NXPE3: variants seen among roughly 807,000 people sequenced by gnomAD.
NXPE3 encodes the protein NXPE family member 3.
Under a neutral mutation model 46.1 loss-of-function variants are expected in NXPE3, and 26 were observed. The observed-to-expected ratio is 0.56, with a 90% CI of 0.41 to 0.78. The LOEUF (loss-of-function observed/expected upper bound fraction) is 0.78, where lower values mean the gene tolerates loss of function less well. Ranked by LOEUF, NXPE3 falls within the 30% of genes least tolerant of loss-of-function variation. The probability of loss-of-function intolerance (pLI) is 0.00; values close to 1 mark genes in which losing one functional copy is unlikely to be tolerated. For missense variants in NXPE3, 620 were observed against 686.0 expected (o/e 0.90, Z 1.07); for synonymous variants, 272 against 257.9 (o/e 1.05, Z -0.52).
chr3:101,793,627 CTTTTTTTTT>C, intron 4 of NXPE3, among the ~76,000 whole-genome samples: 1 of 19,392 alleles, frequency 5.2e-5, no homozygotes, highest in South Asian at 3.4e-3. Context: ...TTGACAAGGT[CTTTTTTTTT>C]TTTTTTTTTT....
chr3:101,804,053 C>T (rs1346960040), intron 5 of NXPE3, among the ~76,000 whole-genome samples: 3 of 152,178 alleles, frequency 2.0e-5, no homozygotes, highest in African/African-American at 7.2e-5. Flanking sequence ...TATCCATTGC[C>T]TAAAGCATTT....
Position 101,828,151 on chromosome 3 carries a change from C to G in NXPE3, c.*6197C>G, listed in dbSNP as rs1942582269. The stretch of plus-strand genomic sequence containing the variant: ...GCTGGAAACAATTGATTTGCTCTTA[C>G]GTATTTGTGTGACTTGACTCTTCAA... On this transcript the variant is annotated 3_prime_UTR_variant, in exon 8 of 8. Coordinates refer to ENST00000273347, the MANE Select transcript of NXPE3 (RefSeq NM_145037.4). 6.6e-6 allele frequency: 1 copy of G among 152,124 alleles called. No individual in the cohort carries two copies. The highest frequency in any genetic ancestry group is 2.4e-5 in the African/African-American group (1 of 41,412). The allele number at this position is 152,124 out of a possible 1,614,324, so 9.4% of individuals were successfully genotyped here.
chr3:101,818,715 T>TTTTATATA (rs1378317083), intron 7 of NXPE3, among the ~76,000 whole-genome samples: 4 of 38,032 alleles, frequency 1.1e-4, no homozygotes, highest in African/African-American at 4.3e-4. Flanking sequence ...ATATGACAAT[T>TTTTATATA]TATATATATA....
intron 6 of NXPE3, among the ~76,000 whole-genome samples, chr3:101,814,728 G>A (rs1941889563): frequency 6.6e-6 from 1 of 152,040 alleles, no homozygotes; most frequent in South Asian, 2.1e-4. Context: ...GATATAACCT[G>A]GTGGTTTCTT....
At chr3:101,797,410 CT>C (rs535694650) in intron 4 of NXPE3, among the ~76,000 whole-genome samples, 9,572 of 133,184 alleles carry the variant, frequency 0.072, 308 homozygotes, top group Middle Eastern at 0.14. Context: ...TTAAGCTATT[CT>C]TTTTTTTTTT....
intron 5 of NXPE3, among the ~76,000 whole-genome samples, 189 bp downstream of exon 5, chr3:101,802,178 C>A (rs1001055963): frequency 2.0e-5 from 3 of 151,920 alleles, no homozygotes; most frequent in Non-Finnish European, 2.9e-5. Context: ...AAAAATGAAG[C>A]TTAATGCTTA....
intron 6 of NXPE3, among the ~76,000 whole-genome samples, chr3:101,812,690 T>C (rs1277925971): frequency 1.3e-5 from 2 of 151,536 alleles, no homozygotes; most frequent in African/African-American, 4.9e-5. Context: ...CAGGCGCCTG[T>C]AGTCCCAGCT....
chr3:101,808,852 T>TATATAC (rs1576766857), intron 6 of NXPE3, among the ~76,000 whole-genome samples: 1 of 131,928 alleles, frequency 7.6e-6, no homozygotes, highest in East Asian at 2.2e-4. Flanking sequence ...TATATATATA[T>TATATAC]ATATGAGACA....
chr3:101,809,198 A>G (rs2107322115), intron 6 of NXPE3, among the ~76,000 whole-genome samples: 1 of 152,230 alleles, frequency 6.6e-6, no homozygotes, highest in African/African-American at 2.4e-5. Context: ...GCCTTTTGAT[A>G]TATTTTTAGA....
chr3:101,815,850 A>C (rs1189661405), intron 6 of NXPE3, among the ~76,000 whole-genome samples: 1 of 151,936 alleles, frequency 6.6e-6, no homozygotes, highest in African/African-American at 2.4e-5. Context: ...ACAAAAATTA[A>C]CTGGGTGTGG....
chr3:101,779,936 T>G (rs1446491298), intron 1 of NXPE3: 2 of 152,322 alleles, frequency 1.3e-5, no homozygotes, highest in Non-Finnish European at 2.9e-5. Context: ...CTTTACAAGG[T>G]GTGATATGGA....
chr3:101,796,635 T>C (rs1003855708), intron 4 of NXPE3, among the ~76,000 whole-genome samples: 1 of 152,194 alleles, frequency 6.6e-6, no homozygotes, highest in Non-Finnish European at 1.5e-5. Flanking sequence ...AGTAAGTTAA[T>C]AAAGGGAATT....
chr3:101,783,671 C>T (rs1353113521), intron 3 of NXPE3, among the ~76,000 whole-genome samples: 17 of 152,202 alleles, frequency 1.1e-4, no homozygotes, highest in Admixed American at 1.0e-3. Flanking sequence ...TGGCTAGTGT[C>T]CACACAATGC....
At position 101,822,167 on chromosome 3, in the gene NXPE3, G is replaced by A. The variant is rs1942289036; in HGVS notation, c.*213G>A. The A allele has an allele frequency of 1.8e-6, 1 of 552,092 alleles. No individual in the cohort carries two copies. Among genetic ancestry groups the A allele is most frequent in the African/African-American group, 1.9e-5 (1 of 53,348 alleles). The allele number at this position is 552,092 out of a possible 1,614,324, so 34.2% of individuals were successfully genotyped here. A position where few individuals can be genotyped will look rare whatever the true frequency, so the allele number is the denominator to read the frequency against. On this transcript the variant is annotated 3_prime_UTR_variant, in exon 8 of 8. Transcript: ENST00000273347. ...TTTTATCCAATGTTGACTTAGCCAT[G>A]GTAGAACTCTTAACTGCATCTACAC...
intron 6 of NXPE3, among the ~76,000 whole-genome samples, chr3:101,814,497 A>G (rs1385967296): frequency 6.6e-6 from 1 of 152,248 alleles, no homozygotes; most frequent in Non-Finnish European, 1.5e-5. Context: ...AAGATTAGAT[A>G]TGCACTCTGT....
At chr3:101,804,015 TG>T (rs1560053223) in intron 5 of NXPE3, among the ~76,000 whole-genome samples, 2 of 152,252 alleles carry the variant, frequency 1.3e-5, no homozygotes. Context: ...GCATATAATA[TG>T]TAATGATCAA....
chr3:101,827,750 C>T lies in NXPE3; in HGVS notation c.*5796C>T, dbSNP rs1331357461. On this transcript the variant is annotated 3_prime_UTR_variant, in exon 8 of 8. Transcript: ENST00000273347. ...CGAGGGGAATGTCCGGGACTCGGGTCGGTACCTTTTTGGTCTGGGAATTTC... is the reference window on the plus strand; with the variant it reads ...CGAGGGGAATGTCCGGGACTCGGGTTGGTACCTTTTTGGTCTGGGAATTTC... 6.6e-6 allele frequency among the ~76,000 whole-genome samples: 1 copy of T among 152,104 alleles called. No individual in the cohort carries two copies. The highest frequency in any genetic ancestry group is 1.5e-5 in the Non-Finnish European group (1 of 68,012).
At position 101,816,911 on chromosome 3, in the gene NXPE3, A is replaced by G. The variant is rs1425669574; in HGVS notation, c.1039A>G (p.Ile347Val). 33 of 1,614,180 alleles carry G rather than the reference A, an allele frequency of 2.0e-5. No homozygotes were observed. Among genetic ancestry groups the G allele is most frequent in the Non-Finnish European group, 2.6e-5 (31 of 1,180,006 alleles). Residue 347 changes from isoleucine to valine, a missense_variant, in exon 7 of 8, where the codon ATT becomes GTT. This residue lies in a region of NXPE3 where 511 missense variants were observed against 528.6 expected (regional missense o/e 0.97). Coordinates refer to ENST00000273347, the MANE Select transcript of NXPE3 (RefSeq NM_145037.4). ...GCGTCAGTTTAATGACCCTGACAAC[A>G]TTACAGAGTGCTTACAAAGAAAAGT... ...KMRQFNDPDN[I>V]TECLQRKVVH...
At chr3:101,801,097 C>G (rs758107133) in intron 4 of NXPE3, 138 bp from the exon 5 acceptor site, 9 of 946,494 alleles carry the variant, frequency 9.5e-6, no homozygotes, top group Admixed American at 2.5e-5. Context: ...GGGGATTTTT[C>G]TTTGATATTC....
Sources: allele counts gnomAD v4.1 joint callset (sites outside exome capture counted in the v4.1 genomes callset), GRCh38; gene constraint gnomAD v4.1.1; regional missense constraint gnomAD v4.1.1; transcripts MANE v1.5; gene names NCBI Gene and HGNC (gene_info 2026-07-23, HGNC 2026-07-21).